Variants in CREB5 observed in about 807,000 individuals in gnomAD.
CREB5 encodes the protein cAMP responsive element binding protein 5, also known as cyclic AMP-responsive element-binding protein 5.
Under a neutral mutation model 57.1 loss-of-function variants are expected in CREB5, and 19 were observed. That is an observed-to-expected ratio of 0.33 (90% CI 0.23 to 0.49). The LOEUF (loss-of-function observed/expected upper bound fraction) is 0.49, where lower values mean the gene tolerates loss of function less well. Ranked by LOEUF, CREB5 falls within the 20% of genes least tolerant of loss-of-function variation. The pLI is 0.99. For missense variants in CREB5, 579 were observed against 671.6 expected (o/e 0.86, Z 1.52); for synonymous variants, 238 against 238.3 (o/e 1.00, Z 0.01).
At chr7:28,493,998 T>C (rs1791913602) in intron 2 of CREB5, among the ~76,000 whole-genome samples, 1 of 152,218 alleles carries the variant, frequency 6.6e-6, no homozygotes. Flanking sequence ...AGGCATGGCA[T>C]GTAATTCTTT....
intron 7 of CREB5, among the ~76,000 whole-genome samples, chr7:28,755,049 A>G (rs1031482109): frequency 6.6e-6 from 1 of 152,138 alleles, no homozygotes; most frequent in Admixed American, 6.5e-5. Flanking sequence ...ACCAAATCCT[A>G]TAGAGTTCAT....
intron 1 of CREB5, 33 bp from the exon 2 acceptor site, chr7:28,488,142 T>C (rs1053859336): frequency 1.9e-6 from 3 of 1,604,026 alleles, no homozygotes; most frequent in South Asian, 1.1e-5. Flanking sequence ...ATGGATTTCT[T>C]TTTCCTTCCT....
At chr7:28,419,343 C>T (rs1788144417) in intron 1 of CREB5, among the ~76,000 whole-genome samples, 1 of 152,188 alleles carries the variant, frequency 6.6e-6, no homozygotes, top group African/African-American at 2.4e-5. Context: ...GTACTGTCTT[C>T]ACACTTGGTC....
upstream of CREB5, among the ~76,000 whole-genome samples, chr7:28,408,785 G>C (rs542064754): frequency 6.1e-4 from 93 of 152,252 alleles, 2 homozygotes; most frequent in African/African-American, 2.2e-3. Context: ...GGTGAAGAAG[G>C]GGTGACAAGT....
chr7:28,581,897 T>C (rs1283315279), intron 5 of CREB5, among the ~76,000 whole-genome samples: 2 of 152,164 alleles, frequency 1.3e-5, no homozygotes, highest in Non-Finnish European at 2.9e-5. Flanking sequence ...TTCTCACAGA[T>C]GTAGTGCCAG....
At chr7:28,747,684 A>C (rs959915865) in intron 7 of CREB5, among the ~76,000 whole-genome samples, 2 of 152,172 alleles carry the variant, frequency 1.3e-5, no homozygotes, top group Admixed American at 6.5e-5. Flanking sequence ...CCCTCTGAGA[A>C]AGCTTCAGAC....
rs139039960 is a variant in CREB5 at position 28,532,437 on chromosome 7, G to A, written c.291+24700G>A. On this transcript the variant is annotated intron_variant, in intron 4 of 10. Coordinates refer to ENST00000357727, the MANE Select transcript of CREB5 (RefSeq NM_182898.4). ...TAATTTGTTATGCAGCAGCTGCATT[G>A]CAAAATTGTTATCCAGAGATCTAAT... 1.1e-3 allele frequency among the ~76,000 whole-genome samples: 161 copies of A among 152,288 alleles called. 2 individuals carry two copies. Among genetic ancestry groups the A allele is most frequent in the Middle Eastern group, 6.8e-3 (2 of 294 alleles).
intron 5 of CREB5, among the ~76,000 whole-genome samples, chr7:28,678,032 C>CT (rs1294268422): frequency 6.6e-6 from 1 of 152,148 alleles, no homozygotes; most frequent in African/African-American, 2.4e-5. Context: ...AATTTAGAAT[C>CT]TTTTTACTCC....
chr7:28,807,356 G>A (rs968385944), intron 8 of CREB5, among the ~76,000 whole-genome samples: 2 of 152,228 alleles, frequency 1.3e-5, no homozygotes, highest in African/African-American at 2.4e-5. Flanking sequence ...GGCTGAGGCA[G>A]GAGAATCGCT....
chr7:28,685,480 A>G (rs1182490844), intron 5 of CREB5, among the ~76,000 whole-genome samples: 1 of 152,038 alleles, frequency 6.6e-6, no homozygotes, highest in Admixed American at 6.6e-5. Context: ...AATCCCATCC[A>G]GCTCCAGGAA....
chr7:28,629,799 T>G (rs1290884075), intron 5 of CREB5, among the ~76,000 whole-genome samples: 1 of 152,238 alleles, frequency 6.6e-6, no homozygotes, highest in Non-Finnish European at 1.5e-5. Flanking sequence ...CATAAACATG[T>G]GAAGGCTCTT....
intron 4 of CREB5, among the ~76,000 whole-genome samples, chr7:28,551,852 TTTC>T (rs767695593): frequency 6.7e-6 from 1 of 148,468 alleles, no homozygotes; most frequent in Admixed American, 6.7e-5. Context: ...TTTTTCTTTC[TTTC>T]TTTTCTTTCT....
intron 5 of CREB5, among the ~76,000 whole-genome samples, chr7:28,595,904 A>G (rs1796677300): frequency 6.6e-6 from 1 of 152,226 alleles, no homozygotes; most frequent in Non-Finnish European, 1.5e-5. Context: ...ACCTCGGCAG[A>G]CAGATATCAT....
intron 1 of CREB5, among the ~76,000 whole-genome samples, chr7:28,383,398 G>A (rs1312237778): frequency 6.6e-6 from 1 of 152,196 alleles, no homozygotes; most frequent in East Asian, 1.9e-4. Context: ...AGCTGGGACT[G>A]GGTAATATGC....
intron 1 of CREB5, among the ~76,000 whole-genome samples, chr7:28,458,648 A>G (rs564724193): frequency 8.5e-5 from 13 of 152,342 alleles, no homozygotes; most frequent in Admixed American, 3.3e-4. Context: ...GTGGTTTCAG[A>G]CAGACCTGGG....
chr7:28,495,863 T>G (rs1792017882), intron 3 of CREB5, among the ~76,000 whole-genome samples: 1 of 152,176 alleles, frequency 6.6e-6, no homozygotes, highest in Non-Finnish European at 1.5e-5. Context: ...AATGAGAGAA[T>G]GTATGGAAAC....
chr7:28,543,641 G>C (rs1479372682), intron 4 of CREB5, among the ~76,000 whole-genome samples: 1 of 148,636 alleles, frequency 6.7e-6, no homozygotes, highest in African/African-American at 2.5e-5. Flanking sequence ...AGATGGGCTT[G>C]AATGAGCCAG....
intron 5 of CREB5, 89 bp downstream of exon 5, chr7:28,570,626 G>C: frequency 6.8e-7 from 1 of 1,480,800 alleles, no homozygotes. Flanking sequence ...GCTCAGATTG[G>C]TTGGTTTTTC....
At chr7:28,551,851 CTTTCT>C (rs1426975095) in intron 4 of CREB5, among the ~76,000 whole-genome samples, 2 of 148,590 alleles carry the variant, frequency 1.3e-5, no homozygotes, top group African/African-American at 5.0e-5. Flanking sequence ...CTTTTTCTTT[CTTTCT>C]TTTCTTTCTT....
Sources: allele counts gnomAD v4.1 joint callset (sites outside exome capture counted in the v4.1 genomes callset), GRCh38; gene constraint gnomAD v4.1.1; transcripts MANE v1.5; gene names NCBI Gene and HGNC (gene_info 2026-07-23, HGNC 2026-07-21).